Variants in ITGB8 observed in about 807,000 individuals in gnomAD.
ITGB8 encodes integrin subunit beta 8.
Under a neutral mutation model 89.5 loss-of-function variants are expected in ITGB8, and 30 were observed. The ratio of observed to expected loss-of-function variants is 0.34; its 90% CI spans 0.25 to 0.45. The LOEUF is 0.45. Ranked by LOEUF, ITGB8 falls within the 20% of genes least tolerant of loss-of-function variation. ITGB8 has a pLI of 1.00. For synonymous variants in ITGB8, 335 were observed against 320.4 expected, an observed-to-expected ratio of 1.05 and a Z score of -0.49; for missense variants, 836 against 933.3, an observed-to-expected ratio of 0.90 and a Z score of 1.36.
Position 20,331,878 on chromosome 7 carries a change from C to T in ITGB8, c.72C>T (p.Ala24=), listed in dbSNP as rs773419940. The part of the protein sequence containing the change: ...VCLQNDRRGP[A]SFLWAAWVFS... ...TGCAAAACGACCGGCGAGGTCCCGC[C>T]TCGTTCCTCTGGGCAGCCTGGGTGT... The change falls in exon 1 of 14, where the codon GCC becomes GCT. Residue 24 remains alanine, a synonymous_variant. Coordinates refer to ENST00000222573, the MANE Select transcript of ITGB8 (RefSeq NM_002214.3). 2 of 1,614,146 alleles carry T rather than the reference C, an allele frequency of 1.2e-6. No homozygotes were observed. The highest frequency in any genetic ancestry group is 1.7e-6 in the Non-Finnish European group (2 of 1,180,038).
intron 12 of ITGB8, among the ~76,000 whole-genome samples, chr7:20,408,146 A>C (rs1296724107): frequency 6.6e-6 from 1 of 152,166 alleles, no homozygotes; most frequent in Non-Finnish European, 1.5e-5. Context: ...TAGCTGATTG[A>C]GTAGTCCTAA....
chr7:20,400,919 T>C (rs1787282062), intron 9 of ITGB8, among the ~76,000 whole-genome samples: 1 of 152,050 alleles, frequency 6.6e-6, no homozygotes, highest in East Asian at 1.9e-4. Flanking sequence ...TCCTAGAAAA[T>C]AGGAACAAAA....
At chr7:20,347,500 A>C (rs1260139178) in intron 1 of ITGB8, among the ~76,000 whole-genome samples, 1 of 152,234 alleles carries the variant, frequency 6.6e-6, no homozygotes, top group African/African-American at 2.4e-5. Flanking sequence ...TACTAAAGAC[A>C]GTAAATTAAA....
chr7:20,393,688 C>G (rs1443823439), intron 7 of ITGB8, among the ~76,000 whole-genome samples: 1 of 152,212 alleles, frequency 6.6e-6, no homozygotes, highest in East Asian at 1.9e-4. Context: ...CTCCTGTGCA[C>G]AAACACTCAG....
intron 3 of ITGB8, among the ~76,000 whole-genome samples, chr7:20,375,980 G>A (rs1336264560): frequency 6.6e-6 from 1 of 152,190 alleles, no homozygotes; most frequent in Non-Finnish European, 1.5e-5. Context: ...GAGGAGGAGT[G>A]AATGTGGGAG....
At chr7:20,347,101 G>A (rs1196418140) in intron 1 of ITGB8, among the ~76,000 whole-genome samples, 1 of 152,166 alleles carries the variant, frequency 6.6e-6, no homozygotes, top group Non-Finnish European at 1.5e-5. Context: ...CACCTATGAG[G>A]AAGGCTCCCT....
intron 1 of ITGB8, among the ~76,000 whole-genome samples, chr7:20,348,285 T>C (rs978142226): frequency 2.1e-4 from 32 of 152,258 alleles, no homozygotes; most frequent in African/African-American, 7.7e-4. Context: ...AGAAAGAAAT[T>C]TGGAGGGAAC....
intron 3 of ITGB8, among the ~76,000 whole-genome samples, chr7:20,371,008 C>A (rs1400290515): frequency 6.6e-6 from 1 of 152,032 alleles, no homozygotes; most frequent in Admixed American, 6.5e-5. Flanking sequence ...AAAATTTTAG[C>A]AAATCAAATT....
intron 6 of ITGB8, among the ~76,000 whole-genome samples, chr7:20,389,786 T>C (rs192799477): frequency 9.2e-5 from 14 of 152,258 alleles, no homozygotes; most frequent in African/African-American, 3.4e-4. Context: ...GATTATGCCT[T>C]TCATTAGGAA....
At chr7:20,390,888 T>A (rs1275743299) in intron 6 of ITGB8, among the ~76,000 whole-genome samples, 3 of 151,998 alleles carry the variant, frequency 2.0e-5, no homozygotes, top group African/African-American at 7.2e-5. Context: ...CTATATCATG[T>A]TATATATATA....
chr7:20,366,144 T>C (rs1408485184), intron 2 of ITGB8: 1 of 152,188 alleles, frequency 6.6e-6, no homozygotes, highest in African/African-American at 2.4e-5. Context: ...TATTACCTAG[T>C]TTAATGCCCC....
rs560487224 is a variant in ITGB8, at chr7:20,331,708, G to C, written c.-99G>C. ...TGCTAGGCCTGCGGAAAACGTCCTA[G>C]CGACACTCGGCCCGCGGGCCCCGAG... is the stretch of plus-strand genomic sequence containing the variant. On this transcript the variant is annotated 5_prime_UTR_variant, in exon 1 of 14. An upstream open reading frame in the 5' UTR loses its in-frame stop. Coordinates refer to ENST00000222573, the MANE Select transcript of ITGB8 (RefSeq NM_002214.3). The C allele has an allele frequency of 4.1e-5, 57 of 1,394,890 alleles. 1 individual carries two copies. The South Asian group carries it at 6.6e-4, about 16-fold the overall frequency. The allele number at this position is 1,394,890 out of a possible 1,614,324, so 86.4% of individuals were successfully genotyped here. A position where few individuals can be genotyped will look rare whatever the true frequency, so the allele number is the denominator to read the frequency against.
intron 1 of ITGB8, among the ~76,000 whole-genome samples, chr7:20,348,787 C>T (rs3823970): frequency 0.92 from 139,972 of 152,266 alleles, 64,411 homozygotes; most frequent in African/African-American, 0.96. Flanking sequence ...AAGATGGAAG[C>T]TGGGGAGAAT....
intron 6 of ITGB8, among the ~76,000 whole-genome samples, chr7:20,388,488 G>T (rs573862543): frequency 6.6e-6 from 1 of 152,234 alleles, no homozygotes; most frequent in South Asian, 2.1e-4. Context: ...CAGGTCTTCT[G>T]TCAACAGTGG....
At chr7:20,388,444 AG>A (rs1191704169) in intron 6 of ITGB8, among the ~76,000 whole-genome samples, 1 of 152,202 alleles carries the variant, frequency 6.6e-6, no homozygotes, top group Non-Finnish European at 1.5e-5. Context: ...CATGAAGGAA[AG>A]GGGAAGGGGC....
intron 1 of ITGB8, among the ~76,000 whole-genome samples, chr7:20,335,972 A>T (rs1784558062): frequency 1.3e-5 from 2 of 149,592 alleles, no homozygotes; most frequent in Non-Finnish European, 3.0e-5. Flanking sequence ...CCCACTCCTA[A>T]GGACTTCTCT....
intron 2 of ITGB8, chr7:20,365,070 G>A (rs1177504151): frequency 6.6e-6 from 1 of 152,240 alleles, no homozygotes; most frequent in Admixed American, 6.5e-5. Flanking sequence ...TCAGGCTTCA[G>A]AGGGACCCCT....
chr7:20,367,228 G>GAAATTGCAAATTAAAGT, intron 3 of ITGB8, 42 bp downstream of exon 3: 3 of 1,433,794 alleles, frequency 2.1e-6, no homozygotes, highest in Non-Finnish European at 2.9e-6. Flanking sequence ...TTCTTAACTT[G>GAAATTGCAAATTAAAGT]AAATTGCAAT....
chr7:20,350,799 C>T (rs184919299), intron 1 of ITGB8, among the ~76,000 whole-genome samples: 3 of 152,288 alleles, frequency 2.0e-5, no homozygotes, highest in South Asian at 2.1e-4. Context: ...ACAGCAACTC[C>T]GAACACCACT....
Sources: allele counts gnomAD v4.1 joint callset (sites outside exome capture counted in the v4.1 genomes callset), GRCh38; gene constraint gnomAD v4.1.1; transcripts MANE v1.5; gene names NCBI Gene and HGNC (gene_info 2026-07-23, HGNC 2026-07-21).